Variants in ACTR3C observed in about 807,000 individuals in gnomAD.
ACTR3C encodes actin-related protein 3C.
ACTR3C carries 18 observed loss-of-function variants against 26.3 expected under a neutral mutation model. That is an observed-to-expected ratio of 0.68 (90% CI 0.47 to 1.01). The LOEUF (loss-of-function observed/expected upper bound fraction) is 1.01, where lower values mean the gene tolerates loss of function less well. ACTR3C is among the 50% of genes least tolerant of loss of function. The pLI is 0.00. For missense variants in ACTR3C, 184 were observed against 250.7 expected (o/e 0.73, Z 1.80); for synonymous variants, 55 against 94.5 (o/e 0.58, Z 2.42).
At chr7:150,115,754 T>C in the ACTR3C span, among the ~76,000 whole-genome samples, 2 of 152,218 alleles carry the variant, frequency 1.3e-5, no homozygotes, top group Admixed American at 6.5e-5. Flanking sequence ...CCTGCCTGGA[T>C]CTTAATCTCT....
intron 4 of ACTR3C, among the ~76,000 whole-genome samples, chr7:150,287,531 C>A (rs58692554): frequency 0.013 from 2,039 of 152,268 alleles, 46 homozygotes; most frequent in African/African-American, 0.046. Flanking sequence ...CAGCAGGTGA[C>A]CCCCAGATAC....
chr7:150,114,230 G>A, the ACTR3C span, among the ~76,000 whole-genome samples: 5 of 151,962 alleles, frequency 3.3e-5, no homozygotes, highest in Non-Finnish European at 5.9e-5. Flanking sequence ...GCTCAATCCC[G>A]GCAGGATTTT....
chr7:150,218,108 TGACA>T, the ACTR3C span, among the ~76,000 whole-genome samples: 1 of 149,718 alleles, frequency 6.7e-6, no homozygotes, highest in South Asian at 2.2e-4. Flanking sequence ...TCTACTAAAC[TGACA>T]TTGTTGAGTT....
chr7:150,124,991 C>A, the ACTR3C span, among the ~76,000 whole-genome samples: 4 of 152,160 alleles, frequency 2.6e-5, no homozygotes, highest in African/African-American at 9.7e-5. Context: ...ACGGCTAGAG[C>A]CATTATTTGA....
chr7:150,297,961 G>A (rs1377717599), intron 1 of ACTR3C, among the ~76,000 whole-genome samples: 1 of 151,406 alleles, frequency 6.6e-6, no homozygotes, highest in Non-Finnish European at 1.5e-5. Context: ...AGTGCACAAG[G>A]AAAGAAGGAG....
rs183055737 is a variant in ACTR3C, at chr7:150,250,558, G to T, written c.565-1504C>A. Reference sequence around the variant, plus strand: ...ACTGTGTTGAGATTTCAGTGTGAGGGTTAAGGGCAGGTGCAGTACGACGGA... The same window carrying T: ...ACTGTGTTGAGATTTCAGTGTGAGGTTTAAGGGCAGGTGCAGTACGACGGA... On this transcript the variant is annotated intron_variant, in intron 6 of 7. Coordinates refer to ENST00000683684, the MANE Select transcript of ACTR3C (RefSeq NM_001164458.2). Among the ~76,000 whole-genome samples, 267 of 152,000 alleles carry T rather than the reference G, an allele frequency of 1.8e-3. 4 individuals carry two copies. Among genetic ancestry groups the T allele is most frequent in the African/African-American group, 6.3e-3 (262 of 41,308 alleles).
At chr7:150,106,671 A>T in the ACTR3C span, among the ~76,000 whole-genome samples, 1 of 132,100 alleles carries the variant, frequency 7.6e-6, no homozygotes, top group South Asian at 2.3e-4. Context: ...TAATTCTATA[A>T]TATTAGCTTA....
intron 6 of ACTR3C, among the ~76,000 whole-genome samples, chr7:150,264,291 G>A (rs1219519974): frequency 4.6e-5 from 7 of 152,224 alleles, no homozygotes; most frequent in African/African-American, 1.2e-4. Flanking sequence ...AGCTCCTTGC[G>A]GTCAGCACTG....
chr7:150,053,863 T>C, the ACTR3C span, among the ~76,000 whole-genome samples: 1 of 152,222 alleles, frequency 6.6e-6, no homozygotes, highest in Non-Finnish European at 1.5e-5. Context: ...AAAATGTGCA[T>C]CTGGACTAAG....
the ACTR3C span, among the ~76,000 whole-genome samples, chr7:150,032,314 G>C: frequency 2.4e-3 from 365 of 152,310 alleles, 1 homozygote; most frequent in African/African-American, 8.7e-3. Context: ...GGAAGCTCTT[G>C]TAAGGAAAAG....
the ACTR3C span, among the ~76,000 whole-genome samples, chr7:149,976,564 ACT>A: frequency 7.6e-6 from 1 of 132,376 alleles, no homozygotes; most frequent in Admixed American, 7.6e-5. Flanking sequence ...ACAGAGCGAG[ACT>A]CTGTCTCAGA....
intron 2 of ACTR3C, among the ~76,000 whole-genome samples, chr7:150,293,765 ATC>A (rs955782678): frequency 6.6e-6 from 1 of 152,128 alleles, no homozygotes; most frequent in African/African-American, 2.4e-5. Flanking sequence ...GTGAAACCCC[ATC>A]TCTACAAATA....
At chr7:150,127,947 G>A in the ACTR3C span, among the ~76,000 whole-genome samples, 1 of 150,720 alleles carries the variant, frequency 6.6e-6, no homozygotes, top group African/African-American at 2.4e-5. Flanking sequence ...TTTTATGTGA[G>A]TTTCACAAAA....
chr7:149,938,113 AG>A, the ACTR3C span, among the ~76,000 whole-genome samples: 1 of 152,176 alleles, frequency 6.6e-6, no homozygotes, highest in African/African-American at 2.4e-5. Context: ...TGGGAAAATG[AG>A]GGGGCTCCAG....
At chr7:150,196,067 C>G in the ACTR3C span, among the ~76,000 whole-genome samples, 1 of 152,208 alleles carries the variant, frequency 6.6e-6, no homozygotes, top group Non-Finnish European at 1.5e-5. Flanking sequence ...TGTCTGTGTA[C>G]ACAAATGCAC....
At chr7:150,259,219 A>G (rs932555370) in intron 6 of ACTR3C, among the ~76,000 whole-genome samples, 4 of 151,986 alleles carry the variant, frequency 2.6e-5, no homozygotes, top group African/African-American at 7.3e-5. Flanking sequence ...TGTCTGACAC[A>G]TACAAAAAGA....
the ACTR3C span, among the ~76,000 whole-genome samples, chr7:150,200,286 T>C: frequency 6.6e-6 from 1 of 152,234 alleles, no homozygotes; most frequent in African/African-American, 2.4e-5. Context: ...CTGAATTTGT[T>C]GTTGTTAAAA....
At chr7:149,969,594 C>T in the ACTR3C span, among the ~76,000 whole-genome samples, 5 of 152,114 alleles carry the variant, frequency 3.3e-5, no homozygotes, top group Admixed American at 3.3e-4. Flanking sequence ...AAAGCAAATG[C>T]AGTGTATTCT....
At chr7:150,188,477 A>G in the ACTR3C span, among the ~76,000 whole-genome samples, 1 of 151,682 alleles carries the variant, frequency 6.6e-6, no homozygotes, top group Non-Finnish European at 1.5e-5. Context: ...AATACTCAGG[A>G]ATAGAATTAC....
Sources: allele counts gnomAD v4.1 joint callset (sites outside exome capture counted in the v4.1 genomes callset), GRCh38; gene constraint gnomAD v4.1.1; transcripts MANE v1.5; gene names NCBI Gene and HGNC (gene_info 2026-07-23, HGNC 2026-07-21).